Variants in ASF1B observed in about 807,000 individuals in gnomAD.
ASF1B encodes the protein anti-silencing function 1B histone chaperone, also known as histone chaperone ASF1B.
A neutral mutation model predicts 16.6 loss-of-function variants in ASF1B; 10 were observed. The observed-to-expected ratio is 0.60, with a 90% CI of 0.37 to 1.02. The LOEUF is 1.02. Ranked by LOEUF, ASF1B falls within the 50% of genes least tolerant of loss-of-function variation. ASF1B has a pLI of 0.01. For missense variants in ASF1B, 240 were observed against 266.0 expected, an observed-to-expected ratio of 0.90 and a Z score of 0.68; for synonymous variants, 101 against 106.2, an observed-to-expected ratio of 0.95 and a Z score of 0.30.
intron 2 of ASF1B, among the ~76,000 whole-genome samples, chr19:14,125,340 T>G (rs978488895): frequency 2.0e-5 from 3 of 151,624 alleles, no homozygotes; most frequent in African/African-American, 7.3e-5. Context: ...CTTCCAAGAA[T>G]CTAACCCTGT....
chr19:14,130,024 T>C (rs1967377878), intron 1 of ASF1B, among the ~76,000 whole-genome samples: 2 of 151,616 alleles, frequency 1.3e-5, no homozygotes, highest in Admixed American at 1.3e-4. Flanking sequence ...TATAAAAAAT[T>C]AGCTGGGCGT....
intron 1 of ASF1B, 60 bp from the exon 2 acceptor site, chr19:14,126,297 A>T: frequency 8.3e-7 from 1 of 1,198,240 alleles, no homozygotes; most frequent in Non-Finnish European, 1.2e-6. Flanking sequence ...AGGCAGGGAT[A>T]GGCTCTTGTA....
In ASF1B at chr19:14,120,513, C is replaced by G. The variant is rs8102267; in HGVS notation, c.555G>C (p.Gly185=). ...PLNCTPIKGL[G]LPGCIPGLLP... ...GGAGGCCAGGGATGCAGCCAGGGAG[C>G]CCCAAGCCCTTGATAGGAGTGCAGT... Residue 185 remains glycine, a synonymous_variant, in exon 4 of 4, where the codon GGG becomes GGC. Coordinates refer to ENST00000263382, the MANE Select transcript of ASF1B (RefSeq NM_018154.3). 0.14 allele frequency: 226,296 copies of G among 1,612,308 alleles called. 18,577 individuals carry two copies. Among genetic ancestry groups the G allele is most frequent in the African/African-American group, 0.36 (26,630 of 74,798 alleles).
At chr19:14,135,873 CG>C (rs1224095964) in intron 1 of ASF1B, among the ~76,000 whole-genome samples, 4 of 151,940 alleles carry the variant, frequency 2.6e-5, no homozygotes, top group Admixed American at 1.3e-4. Flanking sequence ...GTGGTTGAAG[CG>C]GGGGTCTTGC....
intron 1 of ASF1B, among the ~76,000 whole-genome samples, chr19:14,135,959 G>A (rs140155440): frequency 4.6e-5 from 7 of 152,022 alleles, no homozygotes; most frequent in African/African-American, 1.7e-4. Context: ...CCATGAAAAC[G>A]GGTACCTAGG....
chr19:14,129,361 G>A (rs1200653820), intron 1 of ASF1B, among the ~76,000 whole-genome samples: 2 of 152,090 alleles, frequency 1.3e-5, no homozygotes, highest in African/African-American at 4.8e-5. Context: ...ACTAACGGCT[G>A]TAGAGAAATA....
chr19:14,126,662 G>A (rs1967323209), intron 1 of ASF1B, among the ~76,000 whole-genome samples: 1 of 152,150 alleles, frequency 6.6e-6, no homozygotes, highest in Admixed American at 6.5e-5. Flanking sequence ...AGTAGAGACA[G>A]GGTTTCACCA....
At chr19:14,134,350 C>G (rs1405359574) in intron 1 of ASF1B, among the ~76,000 whole-genome samples, 1 of 152,038 alleles carries the variant, frequency 6.6e-6, no homozygotes, top group Non-Finnish European at 1.5e-5. Flanking sequence ...TAAAAAGGAG[C>G]GAGAGAGACC....
At chr19:14,120,912 C>G (rs1967225754) in intron 3 of ASF1B, among the ~76,000 whole-genome samples, 2 of 152,128 alleles carry the variant, frequency 1.3e-5, no homozygotes, top group South Asian at 4.1e-4. Context: ...CCTCTGCCTT[C>G]CGGGTTCAAG....
chr19:14,121,809 A>G, intron 2 of ASF1B, 101 bp from the exon 3 acceptor site: 7 of 1,105,754 alleles, frequency 6.3e-6, no homozygotes, highest in Non-Finnish European at 8.7e-6. Flanking sequence ...AGCAAAAAGT[A>G]TGCTCTCTGC....
intron 1 of ASF1B, among the ~76,000 whole-genome samples, chr19:14,126,638 A>AT (rs949650537): frequency 6.6e-6 from 1 of 152,036 alleles, no homozygotes; most frequent in South Asian, 2.1e-4. Flanking sequence ...TGGCTGGCTA[A>AT]TTTTTTTATT....
intron 2 of ASF1B, among the ~76,000 whole-genome samples, chr19:14,124,827 C>T (rs112167737): frequency 0.021 from 3,147 of 152,214 alleles, 42 homozygotes; most frequent in South Asian, 0.039. Context: ...TGGCACCCAA[C>T]GGTAGTGCTG....
At chr19:14,128,897 T>C (rs1182508993) in intron 1 of ASF1B, among the ~76,000 whole-genome samples, 1 of 152,186 alleles carries the variant, frequency 6.6e-6, no homozygotes, top group Non-Finnish European at 1.5e-5. Flanking sequence ...TTTCCTCTCA[T>C]AGCCGGTAGA....
rs1009503211 is a variant in ASF1B at position 14,136,530 on chromosome 19, G to T, written c.-74C>A. On this transcript the variant is annotated 5_prime_UTR_variant, in exon 1 of 4. Transcript: ENST00000263382. The stretch of plus-strand genomic sequence containing the variant: ...GGAGGCCGCGCCTGGGTCCGGTGGG[G>T]TCAGTGGGGTAGGGCTGACCAGGTC... 743 of 1,361,190 alleles carry T rather than the reference G, an allele frequency of 5.5e-4. 5 individuals are homozygous for T. The highest frequency in any genetic ancestry group is 9.8e-5 in the Non-Finnish European group (96 of 974,950). The allele number at this position is 1,361,190 out of a possible 1,614,324, so 84.3% of individuals were successfully genotyped here.
intron 1 of ASF1B, among the ~76,000 whole-genome samples, chr19:14,130,787 G>GTATATA (rs61351900): frequency 0.033 from 4,654 of 142,386 alleles, 157 homozygotes; most frequent in African/African-American, 0.092. Flanking sequence ...GTGTTTGTGT[G>GTATATA]TATATATATA....
chr19:14,136,438 G>C lies in ASF1B; in HGVS notation c.19C>G (p.Leu7Val). MAKVSV[L>V]NVAVLENPSP... ...GGGTTCTCCAGGACCGCCACGTTCA[G>C]CACCGACACCTTGGCCATCGCCTCG... The change falls in exon 1 of 4, where the codon CTG becomes GTG. Residue 7 changes from leucine to valine, a missense_variant. Transcript: ENST00000263382. The C allele has an allele frequency of 6.2e-7, 1 of 1,613,354 alleles. No homozygotes were observed. Among genetic ancestry groups the C allele is most frequent in the Non-Finnish European group, 8.5e-7 (1 of 1,179,462 alleles).
rs1201983925 is a variant in ASF1B at position 14,121,557 on chromosome 19, G to A, written c.377C>T (p.Pro126Leu). 9.3e-6 allele frequency: 15 copies of A among 1,613,796 alleles called. No individual in the cohort carries two copies. Among genetic ancestry groups the A allele is most frequent in the Non-Finnish European group, 1.3e-5 (15 of 1,179,956 alleles). Residue 126 changes from proline to leucine, a missense_variant, in exon 3 of 4, where the codon CCG (proline) becomes CTG (leucine). Coordinates refer to ENST00000263382, the MANE Select transcript of ASF1B (RefSeq NM_018154.3). The part of the protein sequence containing the change: ...EYLNPELREN[P>L]PMKPDFSQLQ... ...CTGGGAGAAATCTGGCTTCATGGGC[G>A]GGTTCTCACGCAGCTCAGGGTTGAG...
At chr19:14,121,367 T>C (rs1599355990) in intron 3 of ASF1B, 165 bp downstream of exon 3, 1 of 728,282 alleles carries the variant, frequency 1.4e-6, no homozygotes, top group East Asian at 2.8e-5. Context: ...AGACATGCCT[T>C]TGAGAGACAA....
chr19:14,121,972 C>T (rs1967245822), intron 2 of ASF1B, among the ~76,000 whole-genome samples: 2 of 151,256 alleles, frequency 1.3e-5, no homozygotes, highest in African/African-American at 4.9e-5. Context: ...GCTCTGTTGC[C>T]CAGGCTGAAG....
Sources: allele counts gnomAD v4.1 joint callset (sites outside exome capture counted in the v4.1 genomes callset), GRCh38; gene constraint gnomAD v4.1.1; transcripts MANE v1.5; gene names NCBI Gene and HGNC (gene_info 2026-07-23, HGNC 2026-07-21).